Variants in FIP1L1 observed in about 807,000 individuals in gnomAD.
FIP1L1 encodes the protein factor interacting with PAPOLA and CPSF1.
In FIP1L1, 21 loss-of-function variants were observed where a neutral mutation model predicts 84.6. The ratio of observed to expected loss-of-function variants is 0.25; its 90% CI spans 0.18 to 0.36. The LOEUF (loss-of-function observed/expected upper bound fraction) is 0.36, where lower values mean the gene tolerates loss of function less well. Ranked by LOEUF, FIP1L1 falls within the 10% of genes least tolerant of loss-of-function variation. The pLI is 1.00. For missense variants in FIP1L1, 526 were observed against 751.1 expected, an observed-to-expected ratio of 0.70 and a Z score of 3.50; for synonymous variants, 263 against 242.3, an observed-to-expected ratio of 1.09 and a Z score of -0.80.
chr4:53,378,938 A>C, intron 1 of FIP1L1, 135 bp from the exon 2 acceptor site: 2 of 854,710 alleles, frequency 2.3e-6, no homozygotes, highest in East Asian at 5.3e-5. Flanking sequence ...GATTTCTTTT[A>C]CAAAGATCTG....
In FIP1L1 at chr4:53,459,660, A is replaced by G. The variant is rs940944816; in HGVS notation, c.*211A>G. On this transcript the variant is annotated 3_prime_UTR_variant, in exon 18 of 18. Transcript: ENST00000337488. ...CTATTTCAAAAATAAAAAGACAGCA[A>G]TGACTTTATATCCAAGAAAGGAATG... is the stretch of plus-strand genomic sequence containing the variant. 7 of 621,202 alleles carry G rather than the reference A, an allele frequency of 1.1e-5. No individual in the cohort carries two copies. The highest frequency in any genetic ancestry group is 7.4e-5 in the African/African-American group (4 of 53,942). The allele number at this position is 621,202 out of a possible 1,614,324, so 38.5% of individuals were successfully genotyped here. A position where few individuals can be genotyped will look rare whatever the true frequency, so the allele number is the denominator to read the frequency against.
intron 16 of FIP1L1, among the ~76,000 whole-genome samples, chr4:53,457,985 G>A (rs1283802022): frequency 6.6e-6 from 1 of 152,012 alleles, no homozygotes; most frequent in African/African-American, 2.4e-5. Context: ...TATTTATGCA[G>A]TTGAAATTAT....
intron 13 of FIP1L1, among the ~76,000 whole-genome samples, chr4:53,438,126 T>G (rs1262690559): frequency 6.6e-6 from 1 of 152,200 alleles, no homozygotes; most frequent in Non-Finnish European, 1.5e-5. Context: ...CTTTTACTAC[T>G]GTTACATACA....
chr4:53,455,418 TG>T (rs1415071663), intron 16 of FIP1L1, among the ~76,000 whole-genome samples: 1 of 152,172 alleles, frequency 6.6e-6, no homozygotes, highest in Non-Finnish European at 1.5e-5. Flanking sequence ...AAATGAGAGA[TG>T]TGCAATTCTT....
At chr4:53,410,856 G>GA (rs1482533458) in intron 10 of FIP1L1, among the ~76,000 whole-genome samples, 2 of 152,084 alleles carry the variant, frequency 1.3e-5, no homozygotes, top group South Asian at 2.1e-4. Flanking sequence ...TGTATATATA[G>GA]AAAAAATCAT....
rs1473470923 is a variant in FIP1L1 at position 53,460,665 on chromosome 4, A to AAAT, written c.*1218_*1220dup. 10 of 392,976 alleles carry AAAT rather than the reference A, an allele frequency of 2.5e-5. No individual in the cohort carries two copies. Among genetic ancestry groups the AAAT allele is most frequent in the African/African-American group, 1.9e-4 (9 of 47,698 alleles). 24.3% of individuals were successfully genotyped at this position (392,976 alleles called of 1,614,324 possible). On this transcript the variant is annotated 3_prime_UTR_variant, in exon 18 of 18. Transcript: ENST00000337488. ...TTTAGGGCTTTTTATTGAATAGAAA[A>AAAT]AATATAAACAATGTTGTAGAGTAAT...
chr4:53,415,533 T>A (rs1038384301), intron 11 of FIP1L1, among the ~76,000 whole-genome samples: 1 of 151,562 alleles, frequency 6.6e-6, no homozygotes, highest in African/African-American at 2.4e-5. Context: ...TTTTTTGTTT[T>A]TTTTTTTGCT....
intron 1 of FIP1L1, 38 bp downstream of exon 1, chr4:53,377,961 A>C (rs1735441394): frequency 3.1e-5 from 47 of 1,506,662 alleles, no homozygotes; most frequent in Non-Finnish European, 4.1e-5. Flanking sequence ...GGGTTCTCTC[A>C]GGCCTCCCCT....
intron 16 of FIP1L1, among the ~76,000 whole-genome samples, chr4:53,457,443 G>GT (rs543034875): frequency 6.6e-6 from 1 of 151,964 alleles, no homozygotes; most frequent in South Asian, 2.1e-4. Context: ...TACATTTTCT[G>GT]TTTTTTTAAA....
intron 10 of FIP1L1, among the ~76,000 whole-genome samples, chr4:53,401,440 C>G (rs980594386): frequency 6.6e-6 from 1 of 152,162 alleles, no homozygotes; most frequent in Non-Finnish European, 1.5e-5. Flanking sequence ...TAAAAACAGA[C>G]TACAGAGTTA....
chr4:53,444,457 G>T (rs756713632), intron 15 of FIP1L1, among the ~76,000 whole-genome samples: 1 of 151,862 alleles, frequency 6.6e-6, no homozygotes, highest in South Asian at 2.1e-4. Context: ...TTTCTCCCTC[G>T]CTGGTTTATT....
Position 53,425,187 on chromosome 4 carries a change from A to G in FIP1L1, c.924-685A>G, listed in dbSNP as rs1052345108. Among the ~76,000 whole-genome samples the G allele has an allele frequency of 3.3e-5, 5 of 152,156 alleles. No homozygotes were observed. In the East Asian group the frequency reaches 5.8e-4, roughly 18 times the overall value. On this transcript the variant is annotated intron_variant, in intron 11 of 17. Coordinates refer to ENST00000337488, the MANE Select transcript of FIP1L1 (RefSeq NM_030917.4). ...TACTTTTGTAAAGTCCTTTATCTGC[A>G]TAATAGCTTTTAACATTATTTTATT...
chr4:53,391,387 ATAT>A (rs1744175849), intron 8 of FIP1L1, 40 bp from the exon 9 acceptor site: 1 of 1,518,274 alleles, frequency 6.6e-7, no homozygotes, highest in Non-Finnish European at 9.1e-7. Flanking sequence ...TATTAATTAA[ATAT>A]TATGTGGTAT....
At chr4:53,413,193 A>G (rs1159117627) in intron 10 of FIP1L1, among the ~76,000 whole-genome samples, 5 of 151,410 alleles carry the variant, frequency 3.3e-5, no homozygotes, top group African/African-American at 7.3e-5. Context: ...ATAGTTTGGC[A>G]TTACCAGGAT....
At chr4:53,378,508 C>G (rs1735960217) in intron 1 of FIP1L1, 1 of 152,584 alleles carries the variant, frequency 6.6e-6, no homozygotes, top group African/African-American at 2.4e-5. Flanking sequence ...AAAGAAAACT[C>G]TGAATGTCTC....
At chr4:53,394,774 T>TA (rs1365076384) in intron 9 of FIP1L1, among the ~76,000 whole-genome samples, 1 of 151,986 alleles carries the variant, frequency 6.6e-6, no homozygotes, top group Non-Finnish European at 1.5e-5. Context: ...CTTTAACATG[T>TA]AATGTTTTCA....
At chr4:53,458,878 C>A in intron 17 of FIP1L1, 88 bp downstream of exon 17, 1 of 1,423,822 alleles carries the variant, frequency 7.0e-7, no homozygotes, top group Non-Finnish European at 9.5e-7. Flanking sequence ...GAAATTTTGG[C>A]CTATGAACCA....
intron 16 of FIP1L1, among the ~76,000 whole-genome samples, chr4:53,453,710 C>T (rs1717362257): frequency 6.6e-6 from 1 of 152,200 alleles, no homozygotes; most frequent in Admixed American, 6.5e-5. Flanking sequence ...AGTGATCCTC[C>T]TGGCCTAGCC....
chr4:53,390,885 C>T (rs1415240391), intron 7 of FIP1L1, 124 bp from the exon 8 acceptor site: 1 of 812,576 alleles, frequency 1.2e-6, no homozygotes, highest in Non-Finnish European at 1.8e-6. Flanking sequence ...TTTTTGCCAC[C>T]ATAAATGATA....
Sources: gnomAD v4.1 joint callset for allele counts (sites outside exome capture counted in the v4.1 genomes callset) on GRCh38, gnomAD v4.1.1 for gene constraint, MANE v1.5 for transcripts, NCBI Gene and HGNC (gene_info 2026-07-23, HGNC 2026-07-21) for gene names.